The following SLC10A7 variants were observed in gnomAD, a reference collection of about 807,000 sequenced individuals.
SLC10A7 encodes the protein solute carrier family 10 member 7.
A neutral mutation model predicts 43.2 loss-of-function variants in SLC10A7; 29 were observed. The ratio of observed to expected loss-of-function variants is 0.67; its 90% CI spans 0.50 to 0.92. The LOEUF (loss-of-function observed/expected upper bound fraction) is 0.92. SLC10A7 is among the 40% of genes least tolerant of loss of function. The probability of loss-of-function intolerance (pLI) is 0.00; values close to 1 mark genes in which losing one functional copy is unlikely to be tolerated. For synonymous variants in SLC10A7, 152 were observed against 144.8 expected (o/e 1.05, Z -0.35); for missense variants, 295 against 403.2 (o/e 0.73, Z 2.30).
At chr4:146,356,054 AT>A (rs1560829999) in intron 5 of SLC10A7, among the ~76,000 whole-genome samples, 14,505 of 103,338 alleles carry the variant, frequency 0.14, 860 homozygotes, top group Middle Eastern at 0.26. Flanking sequence ...AAAAAAAAAT[AT>A]ATATATATAT....
intron 5 of SLC10A7, among the ~76,000 whole-genome samples, chr4:146,351,159 A>G (rs1237766276): frequency 6.6e-6 from 1 of 151,192 alleles, no homozygotes; most frequent in Non-Finnish European, 1.5e-5. Context: ...ATGTATAACT[A>G]GAATAACCAA....
At chr4:146,489,865 G>A (rs1255216823) in intron 4 of SLC10A7, among the ~76,000 whole-genome samples, 3 of 151,700 alleles carry the variant, frequency 2.0e-5, no homozygotes, top group Non-Finnish European at 4.4e-5. Flanking sequence ...TTCTCTATTG[G>A]TCCCTTTATT....
At chr4:146,426,064 A>C (rs1203749937) in intron 5 of SLC10A7, among the ~76,000 whole-genome samples, 1 of 152,222 alleles carries the variant, frequency 6.6e-6, no homozygotes, top group African/African-American at 2.4e-5. Flanking sequence ...ATCTGTCTTA[A>C]GTATCATTAT....
At chr4:146,479,756 A>G (rs901707695) in intron 4 of SLC10A7, among the ~76,000 whole-genome samples, 4 of 152,184 alleles carry the variant, frequency 2.6e-5, no homozygotes, top group Non-Finnish European at 5.9e-5. Context: ...CTTAAAAATT[A>G]TTTTACCACA....
intron 4 of SLC10A7, among the ~76,000 whole-genome samples, chr4:146,470,917 T>G (rs775438461): frequency 1.3e-5 from 2 of 152,214 alleles, no homozygotes; most frequent in Admixed American, 6.5e-5. Flanking sequence ...TGTATCATCT[T>G]TACATATATC....
chr4:146,399,077 G>T (rs1739036663), intron 5 of SLC10A7, among the ~76,000 whole-genome samples: 1 of 152,336 alleles, frequency 6.6e-6, no homozygotes, highest in Non-Finnish European at 1.5e-5. Context: ...GGTATTCAGG[G>T]AAGGCCACTG....
At chr4:146,403,880 A>C (rs1739388622) in intron 5 of SLC10A7, among the ~76,000 whole-genome samples, 1 of 152,184 alleles carries the variant, frequency 6.6e-6, no homozygotes, top group Admixed American at 6.5e-5. Context: ...CAGTACATGC[A>C]AAGTGTGCAG....
chr4:146,440,289 T>TCTTTC (rs1328044259), intron 5 of SLC10A7, among the ~76,000 whole-genome samples: 4 of 151,440 alleles, frequency 2.6e-5, no homozygotes, highest in African/African-American at 7.3e-5. Context: ...TCTTTTCTTT[T>TCTTTC]CTTTTTTTTT....
At chr4:146,468,770 T>A (rs1324800794) in intron 4 of SLC10A7, among the ~76,000 whole-genome samples, 1 of 152,180 alleles carries the variant, frequency 6.6e-6, no homozygotes, top group African/African-American at 2.4e-5. Flanking sequence ...CCAGCAAGGC[T>A]TTTAAAATAC....
Position 146,509,020 on chromosome 4 carries a change from CTT to C in SLC10A7, c.320+891_320+892del, listed in dbSNP as rs1737190494. 2.6e-5 allele frequency among the ~76,000 whole-genome samples: 4 copies of C among 152,184 alleles called. No individual in the cohort carries two copies. In the South Asian group the frequency reaches 8.3e-4, roughly 32 times the overall value. ...AACAGGCTTGATCCTGCCCTAGAGC[CTT>C]TGTACATTATGTTTCCTTTCCCTAG... is the stretch of plus-strand genomic sequence containing the variant. On this transcript the variant is annotated intron_variant, in intron 3 of 11. Transcript: ENST00000335472.
intron 11 of SLC10A7, 149 bp from the exon 12 acceptor site, chr4:146,256,669 C>A: frequency 9.5e-7 from 1 of 1,056,382 alleles, no homozygotes; most frequent in Non-Finnish European, 1.4e-6. Flanking sequence ...CCTCTGGATA[C>A]AAACAGATTT....
At chr4:146,441,959 T>C in intron 5 of SLC10A7, 2 of 981,796 alleles carry the variant, frequency 2.0e-6, no homozygotes, top group Non-Finnish European at 2.4e-6. Context: ...AACTAGTTTA[T>C]ACATCACTGA....
chr4:146,290,305 T>C (rs187921947), intron 9 of SLC10A7, among the ~76,000 whole-genome samples: 1,129 of 111,338 alleles, frequency 0.01, 15 homozygotes, highest in African/African-American at 0.039. Context: ...GCCTGGGCGA[T>C]AGAGCAAGAC....
chr4:146,313,573 G>A (rs1437489780), intron 6 of SLC10A7, among the ~76,000 whole-genome samples: 1 of 151,972 alleles, frequency 6.6e-6, no homozygotes, highest in African/African-American at 2.4e-5. Context: ...CATCTCACAC[G>A]TGTGTCCATT....
chr4:146,318,820 C>T (rs924597281), intron 6 of SLC10A7, among the ~76,000 whole-genome samples: 19 of 152,118 alleles, frequency 1.2e-4, no homozygotes, highest in African/African-American at 4.6e-4. Flanking sequence ...CTCTACACTT[C>T]CAGCTGCTCA....
At chr4:146,320,606 G>C (rs536106275) in intron 6 of SLC10A7, among the ~76,000 whole-genome samples, 1 of 152,142 alleles carries the variant, frequency 6.6e-6, no homozygotes, top group South Asian at 2.1e-4. Flanking sequence ...AAATAAAGTG[G>C]AGGGCAAGCT....
chr4:146,334,057 T>C (rs931621566), intron 5 of SLC10A7, among the ~76,000 whole-genome samples: 2 of 152,050 alleles, frequency 1.3e-5, no homozygotes, highest in Non-Finnish European at 2.9e-5. Flanking sequence ...AACAGTTTCT[T>C]AGTTTTCTGA....
intron 1 of SLC10A7, 44 bp downstream of exon 1, chr4:146,521,574 T>C (rs1738664523): frequency 6.5e-7 from 1 of 1,546,950 alleles, no homozygotes; most frequent in South Asian, 1.1e-5. Flanking sequence ...AAATTAGTTC[T>C]GAAGTGGGAG....
intron 5 of SLC10A7, among the ~76,000 whole-genome samples, chr4:146,420,416 A>G (rs1457232005): frequency 6.6e-6 from 1 of 152,188 alleles, no homozygotes; most frequent in East Asian, 1.9e-4. Flanking sequence ...CTTGGTCAGT[A>G]TAAGTATCTA....
Sources: gnomAD v4.1 joint callset for allele counts (sites outside exome capture counted in the v4.1 genomes callset) on GRCh38, gnomAD v4.1.1 for gene constraint, MANE v1.5 for transcripts, NCBI Gene and HGNC (gene_info 2026-07-23, HGNC 2026-07-21) for gene names.